The following MNAT1 variants were observed in gnomAD, a reference collection of about 807,000 sequenced individuals.
MNAT1 encodes the protein MNAT1 component of CDK activating kinase, also known as CDK-activating kinase assembly factor MAT1.
MNAT1 carries 43 observed loss-of-function variants against 42.0 expected under a neutral mutation model. The ratio of observed to expected loss-of-function variants is 1.02; its 90% confidence interval spans 0.80 to 1.32. MNAT1 has a LOEUF of 1.32. Among genes scored for constraint, MNAT1 ranks in the 40% most tolerant of loss-of-function variants. The probability of loss-of-function intolerance (pLI) is 0.00; values close to 1 mark genes in which losing one functional copy is unlikely to be tolerated. For synonymous variants in MNAT1, 118 were observed against 120.0 expected (o/e 0.98, Z 0.11); for missense variants, 306 against 350.4 (o/e 0.87, Z 1.01).
intron 6 of MNAT1, among the ~76,000 whole-genome samples, chr14:60,834,724 G>A (rs181816484): frequency 1.3e-5 from 2 of 152,194 alleles, no homozygotes; most frequent in East Asian, 3.9e-4. Context: ...TTAATTTTTT[G>A]TGTTTTTGAT....
chr14:60,946,929 G>A (rs1159763019), intron 7 of MNAT1, among the ~76,000 whole-genome samples: 1 of 152,138 alleles, frequency 6.6e-6, no homozygotes, highest in African/African-American at 2.4e-5. Context: ...GATTGCTGGC[G>A]AGGGCTCTCT....
At position 60,818,755 on chromosome 14, in the gene MNAT1, G is replaced by C. The variant is rs767407637; in HGVS notation, c.595G>C (p.Ala199Pro). 3 of 1,610,880 alleles carry C rather than the reference G, an allele frequency of 1.9e-6. No homozygotes were observed. In the African/African-American group the frequency reaches 4.0e-5, roughly 22 times the overall value. ...SSDLPVALLL[A>P]QHKDRSTQLE... ...TGATCTCCCTGTTGCTCTGCTTTTG[G>C]CTCAGCATAAAGATAGATCTACCCA... The change falls in exon 6 of 8, where the codon GCT (alanine) becomes CCT (proline). Residue 199 changes from alanine (A) to proline (P), a missense_variant. Coordinates refer to ENST00000261245, the MANE Select transcript of MNAT1 (RefSeq NM_002431.4).
At chr14:60,948,393 G>A (rs762243693) in intron 7 of MNAT1, among the ~76,000 whole-genome samples, 1 of 152,124 alleles carries the variant, frequency 6.6e-6, no homozygotes, top group Non-Finnish European at 1.5e-5. Context: ...CTGCACACCA[G>A]CCTGAGTGAC....
chr14:60,953,434 G>A (rs189134254), intron 7 of MNAT1, among the ~76,000 whole-genome samples: 18 of 152,238 alleles, frequency 1.2e-4, no homozygotes, highest in African/African-American at 4.1e-4. Flanking sequence ...TGGAATAGAC[G>A]TAGGAGGTCA....
At chr14:60,927,721 C>T (rs1440344805) in intron 7 of MNAT1, among the ~76,000 whole-genome samples, 1 of 152,248 alleles carries the variant, frequency 6.6e-6, no homozygotes, top group East Asian at 1.9e-4. Flanking sequence ...TGTTTCTGCT[C>T]ATTGTTGCTG....
chr14:60,827,387 A>G (rs919116858), intron 6 of MNAT1, among the ~76,000 whole-genome samples: 2 of 152,198 alleles, frequency 1.3e-5, no homozygotes, highest in Non-Finnish European at 2.9e-5. Context: ...TGAGTGCAAC[A>G]GATAGTATTT....
At chr14:60,742,499 G>A (rs1388195596) in intron 1 of MNAT1, among the ~76,000 whole-genome samples, 3 of 152,070 alleles carry the variant, frequency 2.0e-5, no homozygotes, top group African/African-American at 7.2e-5. Context: ...TTAAGGAAAG[G>A]TATGTTTTTA....
intron 7 of MNAT1, among the ~76,000 whole-genome samples, chr14:60,925,231 T>G (rs2035743185): frequency 6.6e-6 from 1 of 152,190 alleles, no homozygotes; most frequent in South Asian, 2.1e-4. Context: ...ATATGCTCCC[T>G]GGTGTCCAGG....
At chr14:60,779,835 A>T (rs952728723) in intron 1 of MNAT1, 4 of 605,738 alleles carry the variant, frequency 6.6e-6, no homozygotes, top group African/African-American at 1.9e-5. Flanking sequence ...TTCCTGCTAG[A>T]GTGAACTTAC....
At chr14:60,910,516 TGA>T (rs2035325113) in intron 7 of MNAT1, among the ~76,000 whole-genome samples, 1 of 152,224 alleles carries the variant, frequency 6.6e-6, no homozygotes, top group Admixed American at 6.5e-5. Context: ...CCTAATTTAT[TGA>T]GAGTTTTTAA....
intron 7 of MNAT1, among the ~76,000 whole-genome samples, chr14:60,883,348 G>A (rs773318261): frequency 1.3e-5 from 2 of 151,984 alleles, no homozygotes; most frequent in Non-Finnish European, 1.5e-5. Flanking sequence ...TTTCCCAAAT[G>A]TATGGTCTTG....
At chr14:60,867,960 A>G (rs981727316) in intron 6 of MNAT1, among the ~76,000 whole-genome samples, 1 of 152,142 alleles carries the variant, frequency 6.6e-6, no homozygotes, top group Non-Finnish European at 1.5e-5. Flanking sequence ...ATTGTGTGCT[A>G]CCAGGAAGTT....
chr14:60,966,153 G>T (rs550785121), intron 7 of MNAT1, among the ~76,000 whole-genome samples: 11 of 151,714 alleles, frequency 7.3e-5, no homozygotes, highest in African/African-American at 2.2e-4. Context: ...TTTAAACAGG[G>T]TCTCACTCTG....
At chr14:60,889,553 T>C (rs2034780531) in intron 7 of MNAT1, among the ~76,000 whole-genome samples, 1 of 152,210 alleles carries the variant, frequency 6.6e-6, no homozygotes, top group South Asian at 2.1e-4. Flanking sequence ...AAGGACTTCA[T>C]GTCTAAAACA....
rs2031403892 is a variant in MNAT1 at position 60,780,101 on chromosome 14, A to G, written c.90-16116A>G. The G allele has an allele frequency of 5.5e-6, 8 of 1,460,436 alleles. No homozygotes were observed. The Admixed American group carries it at 8.4e-5, about 15-fold the overall frequency. 90.5% of individuals were successfully genotyped at this position (1,460,436 alleles called of 1,614,324 possible). ...TCAGCGTGGCATTTATCCATCTGAA[A>G]TCTTTACTCGAGTGCAGAAATACGG... On this transcript the variant is annotated intron_variant, in intron 1 of 7. Transcript: ENST00000261245.
intron 7 of MNAT1, among the ~76,000 whole-genome samples, chr14:60,890,790 C>G (rs140473191): frequency 8.5e-5 from 13 of 152,348 alleles, no homozygotes; most frequent in Middle Eastern, 3.4e-3. Context: ...TCTAGCCACA[C>G]TGGCAGCTGA....
chr14:60,943,397 G>A (rs913465639), intron 7 of MNAT1, among the ~76,000 whole-genome samples: 1 of 152,142 alleles, frequency 6.6e-6, no homozygotes, highest in Non-Finnish European at 1.5e-5. Flanking sequence ...AGATAAGCAA[G>A]GCAAGTATAA....
chr14:60,927,697 G>A lies in MNAT1; in HGVS notation c.810-40532G>A, dbSNP rs538892320. ...TCTTCCCACCTTGAGACATGTTTTC[G>A]ACCACCTTCTTTCTGTTTCTGCTCA... On this transcript the variant is annotated intron_variant, in intron 7 of 7. Transcript: ENST00000261245. Among the ~76,000 whole-genome samples the A allele has an allele frequency of 3.8e-4, 58 of 152,178 alleles. No homozygotes were observed. In the South Asian group the frequency reaches 6.0e-3, roughly 16 times the overall value.
chr14:60,896,000 G>A (rs1360369120), intron 7 of MNAT1, among the ~76,000 whole-genome samples: 1 of 151,992 alleles, frequency 6.6e-6, no homozygotes, highest in Non-Finnish European at 1.5e-5. Context: ...CTATATTTTT[G>A]TTCTTTTATA....
Sources: gnomAD v4.1 joint callset for allele counts (sites outside exome capture counted in the v4.1 genomes callset) on GRCh38, gnomAD v4.1.1 for gene constraint, MANE v1.5 for transcripts, NCBI Gene and HGNC (gene_info 2026-07-23, HGNC 2026-07-21) for gene names.